The following NFIB variants were observed in gnomAD, a reference collection of about 807,000 sequenced individuals.
The protein encoded by NFIB is nuclear factor I B, also known as nuclear factor 1 B-type.
A neutral mutation model predicts 61.5 loss-of-function variants in NFIB; 11 were observed. The observed-to-expected ratio is 0.18, with a 90% CI of 0.11 to 0.30. The LOEUF is 0.30. Ranked by LOEUF, NFIB falls within the 10% of genes least tolerant of loss-of-function variation. The probability of loss-of-function intolerance (pLI) is 1.00; values close to 1 mark genes in which losing one functional copy is unlikely to be tolerated. For synonymous variants in NFIB, 260 were observed against 216.5 expected (o/e 1.20, Z -1.76); for missense variants, 471 against 608.9 (o/e 0.77, Z 2.38).
At chr9:14,403,220 A>T (rs931568860), upstream of NFIB, among the ~76,000 whole-genome samples, 3 of 152,174 alleles carry the variant, frequency 2.0e-5, no homozygotes, top group African/African-American at 7.2e-5. Context: ...CTATGAAACG[A>T]TGTAAAAGGG....
intron 2 of NFIB, among the ~76,000 whole-genome samples, chr9:14,210,106 C>T (rs1381960216): frequency 4.6e-5 from 7 of 152,140 alleles, no homozygotes; most frequent in Non-Finnish European, 1.0e-4. Context: ...TGAAGCGCTA[C>T]ACATCTCCCC....
chr9:14,231,129 A>ATATATAT (rs1312639176), intron 2 of NFIB, among the ~76,000 whole-genome samples: 4 of 78,178 alleles, frequency 5.1e-5, no homozygotes, highest in African/African-American at 2.1e-4. Flanking sequence ...GGAAAAAAAA[A>ATATATAT]AAAAAAATAT....
the NFIB span, among the ~76,000 whole-genome samples, chr9:14,420,337 T>C: frequency 6.8e-6 from 1 of 147,820 alleles, no homozygotes; most frequent in South Asian, 2.2e-4. Context: ...TCCCAGCTTC[T>C]TGGGAGGCTG....
intron 2 of NFIB, among the ~76,000 whole-genome samples, chr9:14,300,745 T>A (rs2059706152): frequency 6.6e-6 from 1 of 152,194 alleles, no homozygotes; most frequent in African/African-American, 2.4e-5. Context: ...TAACCTTCCG[T>A]TGGGTCCCTC....
At chr9:14,382,202 A>G (rs2061495896) in intron 1 of NFIB, among the ~76,000 whole-genome samples, 1 of 152,198 alleles carries the variant, frequency 6.6e-6, no homozygotes, top group African/African-American at 2.4e-5. Flanking sequence ...AGTCTTGGAG[A>G]TACCCTCTGG....
intron 2 of NFIB, among the ~76,000 whole-genome samples, chr9:14,194,333 C>G (rs1454818252): frequency 6.6e-6 from 1 of 152,134 alleles, no homozygotes; most frequent in East Asian, 1.9e-4. Context: ...GAGACAATCT[C>G]CATAAATATG....
chr9:14,150,390 C>T, intron 4 of NFIB, 125 bp from the exon 5 acceptor site: 1 of 1,468,404 alleles, frequency 6.8e-7, no homozygotes, highest in Non-Finnish European at 9.2e-7. Context: ...CACCTTAAGC[C>T]TCTAATACCC....
intron 2 of NFIB, among the ~76,000 whole-genome samples, chr9:14,302,327 A>G (rs1845968689): frequency 6.6e-6 from 1 of 152,240 alleles, no homozygotes; most frequent in African/African-American, 2.4e-5. Flanking sequence ...TGTGACAACC[A>G]GGAAGGCTTC....
At chr9:14,388,425 A>C (rs1269377912) in intron 1 of NFIB, among the ~76,000 whole-genome samples, 1 of 141,782 alleles carries the variant, frequency 7.1e-6, no homozygotes, top group Admixed American at 7.1e-5. Context: ...GGAAGGAAGG[A>C]AGGAGAGAGA....
the NFIB span, among the ~76,000 whole-genome samples, chr9:14,486,209 G>A: frequency 1.3e-5 from 2 of 152,188 alleles, no homozygotes; most frequent in Non-Finnish European, 2.9e-5. Context: ...AAGGCTTGGA[G>A]ATTAGAGAGG....
chr9:14,349,359 C>T (rs1357167010), intron 1 of NFIB, among the ~76,000 whole-genome samples: 2 of 152,166 alleles, frequency 1.3e-5, no homozygotes, highest in East Asian at 3.9e-4. Context: ...GCAAACTCTG[C>T]AACGGAGCCC....
At chr9:14,190,106 GC>G (rs1420932611) in intron 2 of NFIB, among the ~76,000 whole-genome samples, 1 of 151,930 alleles carries the variant, frequency 6.6e-6, no homozygotes, top group Non-Finnish European at 1.5e-5. Flanking sequence ...AAGATACTTT[GC>G]CAAATCATTA....
intron 8 of NFIB, among the ~76,000 whole-genome samples, chr9:14,119,540 C>T (rs947636968): frequency 6.6e-6 from 1 of 152,038 alleles, no homozygotes; most frequent in Admixed American, 6.5e-5. Context: ...GATAGACACA[C>T]ACTATTTACT....
intron 3 of NFIB, among the ~76,000 whole-genome samples, chr9:14,168,080 C>A (rs758880859): frequency 6.6e-6 from 1 of 152,180 alleles, no homozygotes; most frequent in African/African-American, 2.4e-5. Flanking sequence ...GGTATACCTA[C>A]AGGGCATAAG....
chr9:14,262,947 A>T (rs2056902750), intron 2 of NFIB, among the ~76,000 whole-genome samples: 2 of 152,184 alleles, frequency 1.3e-5, no homozygotes, highest in South Asian at 4.1e-4. Context: ...ATGTCGACAT[A>T]AATCCCTTGA....
chr9:14,126,786 G>A (rs1247480484), intron 6 of NFIB, among the ~76,000 whole-genome samples: 1 of 152,182 alleles, frequency 6.6e-6, no homozygotes, highest in Non-Finnish European at 1.5e-5. Flanking sequence ...CTAAATGGAG[G>A]GCGGACTGGC....
chr9:14,179,321 AC>A (rs2046498752), intron 3 of NFIB, among the ~76,000 whole-genome samples: 1 of 151,862 alleles, frequency 6.6e-6, no homozygotes, highest in African/African-American at 2.4e-5. Flanking sequence ...AACCACTCCC[AC>A]CCCCAACCCC....
chr9:14,425,607 A>ATTTTTTTT, the NFIB span, among the ~76,000 whole-genome samples: 2 of 99,052 alleles, frequency 2.0e-5, no homozygotes, highest in African/African-American at 7.6e-5. Context: ...TTGCTACATA[A>ATTTTTTTT]TTTTTTTTTT....
the NFIB span, among the ~76,000 whole-genome samples, chr9:14,530,543 G>C: frequency 1.3e-5 from 2 of 152,098 alleles, no homozygotes; most frequent in African/African-American, 4.8e-5. Flanking sequence ...TCACATTAAC[G>C]AGAAAGGGTG....
Sources: gnomAD v4.1 joint callset for allele counts (sites outside exome capture counted in the v4.1 genomes callset) on GRCh38, gnomAD v4.1.1 for gene constraint, MANE v1.5 for transcripts, NCBI Gene and HGNC (gene_info 2026-07-23, HGNC 2026-07-21) for gene names.